FBXW10B: variants seen among roughly 807,000 people sequenced by gnomAD.
The protein encoded by FBXW10B is F-box and WD repeat domain containing 10B, also known as F-box and WD repeat domain containing protein 10B.
chr17:15,588,388 G>A, the FBXW10B span: 2 of 191,544 alleles, frequency 1.0e-5, no homozygotes, highest in Non-Finnish European at 2.2e-5. Flanking sequence ...CCAGAATTCA[G>A]GTAGTATTTT....
the FBXW10B span, among the ~76,000 whole-genome samples, chr17:15,587,487 T>C: frequency 6.6e-6 from 1 of 151,566 alleles, no homozygotes; most frequent in African/African-American, 2.4e-5. Context: ...CTGGCCCCTA[T>C]AGCAGAGTGG....
chr17:15,600,108 C>A, the FBXW10B span, among the ~76,000 whole-genome samples: 4 of 150,806 alleles, frequency 2.7e-5, no homozygotes, highest in South Asian at 8.4e-4. Flanking sequence ...CCCAGCTACT[C>A]GGGAGGCTGA....
At chr17:15,600,868 T>C in the FBXW10B span, among the ~76,000 whole-genome samples, 3 of 146,994 alleles carry the variant, frequency 2.0e-5, no homozygotes, top group Non-Finnish European at 4.5e-5. Flanking sequence ...GCCAACAGAG[T>C]GAAACCTCGT....
At chr17:15,569,905 C>T in the FBXW10B span, among the ~76,000 whole-genome samples, 1 of 152,192 alleles carries the variant, frequency 6.6e-6, no homozygotes, top group Non-Finnish European at 1.5e-5. Context: ...CATTTGCCCA[C>T]ATTTCAATGG....
At chr17:15,604,012 G>A in the FBXW10B span, among the ~76,000 whole-genome samples, 36 of 146,552 alleles carry the variant, frequency 2.5e-4, no homozygotes, top group African/African-American at 7.1e-4. Context: ...CCTGGGAGGC[G>A]GAGCTTGCAG....
chr17:15,596,610 G>A, the FBXW10B span: 2 of 1,613,156 alleles, frequency 1.2e-6, no homozygotes, highest in East Asian at 2.2e-5. Flanking sequence ...TGGCCAAGAT[G>A]GGGTCTTTGT....
At chr17:15,617,799 GTC>G in the FBXW10B span, among the ~76,000 whole-genome samples, 2 of 152,180 alleles carry the variant, frequency 1.3e-5, no homozygotes, top group African/African-American at 2.4e-5. Flanking sequence ...TTCTGGTACA[GTC>G]TTCAGAACTG....
chr17:15,611,093 G>A, the FBXW10B span, among the ~76,000 whole-genome samples: 1,105 of 148,164 alleles, frequency 7.5e-3, 10 homozygotes, highest in African/African-American at 0.026. Context: ...GCGCAATCTC[G>A]GCTCACTGCA....
At chr17:15,599,998 C>T in the FBXW10B span, among the ~76,000 whole-genome samples, 5 of 151,734 alleles carry the variant, frequency 3.3e-5, no homozygotes, top group African/African-American at 4.8e-5. Flanking sequence ...AAGCAGATCA[C>T]GAGGTCAGGA....
the FBXW10B span, among the ~76,000 whole-genome samples, chr17:15,581,260 T>A: frequency 0.036 from 5,422 of 152,262 alleles, 307 homozygotes; most frequent in African/African-American, 0.12. Flanking sequence ...AACCAGAATT[T>A]AGCACTAATA....
At chr17:15,607,664 G>C in the FBXW10B span, 1 of 1,613,456 alleles carries the variant, frequency 6.2e-7, no homozygotes, top group African/African-American at 1.3e-5. Context: ...CTGGTATGCA[G>C]TCCACAGGTT....
At chr17:15,569,638 T>C in the FBXW10B span, among the ~76,000 whole-genome samples, 2 of 151,766 alleles carry the variant, frequency 1.3e-5, no homozygotes, top group Admixed American at 1.3e-4. Flanking sequence ...TTTTTTTTAC[T>C]TTGTGTGGCC....
chr17:15,566,928 A>C, the FBXW10B span, among the ~76,000 whole-genome samples: 1 of 151,886 alleles, frequency 6.6e-6, no homozygotes, highest in African/African-American at 2.4e-5. Flanking sequence ...CTAAGTGTGC[A>C]TATTTTGAAT....
chr17:15,600,788 G>C, the FBXW10B span, among the ~76,000 whole-genome samples: 1 of 152,062 alleles, frequency 6.6e-6, no homozygotes. Context: ...GGTGGCTCAT[G>C]CCTGTAATTC....
the FBXW10B span, among the ~76,000 whole-genome samples, chr17:15,604,090 A>C: frequency 2.7e-5 from 4 of 150,108 alleles, no homozygotes; most frequent in African/African-American, 4.9e-5. Flanking sequence ...AAAAAAAAAA[A>C]ACAAAAACTA....
chr17:15,589,770 A>G, the FBXW10B span, among the ~76,000 whole-genome samples: 1 of 151,750 alleles, frequency 6.6e-6, no homozygotes, highest in African/African-American at 2.4e-5. Flanking sequence ...GTAAGTACAT[A>G]TTTTTCACAT....
the FBXW10B span, chr17:15,612,517 TAA>T: frequency 7.1e-4 from 257 of 363,580 alleles, no homozygotes; most frequent in Non-Finnish European, 8.7e-4. Context: ...CCATCTCATT[TAA>T]AAAAAAAAAA....
chr17:15,618,096 G>A, the FBXW10B span, among the ~76,000 whole-genome samples: 5 of 152,154 alleles, frequency 3.3e-5, no homozygotes, highest in Admixed American at 6.6e-5. Context: ...TTGGGAGGCC[G>A]AGGCAGGCGG....
chr17:15,567,100 C>T, the FBXW10B span, among the ~76,000 whole-genome samples: 135,195 of 149,918 alleles, frequency 0.9, 61,199 homozygotes, highest in Middle Eastern at 0.95. Context: ...TGAAACCCCG[C>T]CTCTACTAAA....
Sources: gnomAD v4.1 joint callset for allele counts (sites outside exome capture counted in the v4.1 genomes callset) on GRCh38, gnomAD v4.1.1 for gene constraint, MANE v1.5 for transcripts, NCBI Gene and HGNC (gene_info 2026-07-23, HGNC 2026-07-21) for gene names.